The following TBC1D22A variants were observed in gnomAD, a reference collection of about 807,000 sequenced individuals.
TBC1D22A encodes TBC1 domain family member 22A, also known as putative GTPase activator.
In TBC1D22A, 38 loss-of-function variants were observed where a neutral mutation model predicts 60.2. That is an observed-to-expected ratio of 0.63 (90% CI 0.49 to 0.83). The LOEUF (loss-of-function observed/expected upper bound fraction) is 0.83, where lower values mean the gene tolerates loss of function less well. TBC1D22A is among the 40% of genes least tolerant of loss of function. The pLI is 0.00. For missense variants in TBC1D22A, 628 were observed against 701.0 expected, an observed-to-expected ratio of 0.90 and a Z score of 1.18; for synonymous variants, 302 against 281.7, an observed-to-expected ratio of 1.07 and a Z score of -0.72.
At chr22:46,968,789 T>G (rs995886466) in intron 8 of TBC1D22A, among the ~76,000 whole-genome samples, 1 of 152,252 alleles carries the variant, frequency 6.6e-6, no homozygotes, top group Non-Finnish European at 1.5e-5. Context: ...TTCTGCTCTT[T>G]GTTTCCCTAA....
chr22:46,790,818 T>C (rs1037116949), intron 1 of TBC1D22A, among the ~76,000 whole-genome samples: 1 of 152,146 alleles, frequency 6.6e-6, no homozygotes, highest in African/African-American at 2.4e-5. Flanking sequence ...ATGTGTGCTT[T>C]ATGTCCCAAG....
intron 4 of TBC1D22A, among the ~76,000 whole-genome samples, chr22:46,837,710 T>G (rs1245543236): frequency 2.0e-5 from 3 of 152,164 alleles, no homozygotes; most frequent in Non-Finnish European, 4.4e-5. Flanking sequence ...CCAACACTTC[T>G]CAGATACAGC....
intron 4 of TBC1D22A, among the ~76,000 whole-genome samples, chr22:46,798,237 C>T (rs1334110079): frequency 2.6e-5 from 4 of 152,264 alleles, no homozygotes; most frequent in Admixed American, 6.5e-5. Flanking sequence ...GTGAGCCCTT[C>T]GAGGCTGGCC....
chr22:47,071,897 T>G (rs1303350769), intron 11 of TBC1D22A, among the ~76,000 whole-genome samples: 1 of 152,138 alleles, frequency 6.6e-6, no homozygotes, highest in Non-Finnish European at 1.5e-5. Context: ...AAACGTGTGG[T>G]GTGTTTGGCT....
Position 46,948,555 on chromosome 22 carries a change from A to G in TBC1D22A, c.1016-25735A>G, listed in dbSNP as rs2072696749. Among the ~76,000 whole-genome samples the G allele has an allele frequency of 3.3e-5, 5 of 152,200 alleles. No individual in the cohort carries two copies. In the South Asian group the frequency reaches 1.0e-3, roughly 31 times the overall value. On this transcript the variant is annotated intron_variant, in intron 8 of 12. Transcript: ENST00000337137. The stretch of plus-strand genomic sequence containing the variant: ...TCTCACTCCGGGTGTGTATTGGTCG[A>G]TAACCCTTTGAGTCTCTGGAGTTGG...
At chr22:46,904,142 T>TCTATCTGCCTGC (rs57116517) in intron 7 of TBC1D22A, among the ~76,000 whole-genome samples, 1 of 134,500 alleles carries the variant, frequency 7.4e-6, no homozygotes, top group Non-Finnish European at 1.6e-5. Context: ...TATCTATCTA[T>TCTATCTGCCTGC]CTACCTACCT....
chr22:47,124,927 G>A (rs1310354665), intron 12 of TBC1D22A, among the ~76,000 whole-genome samples: 2 of 152,138 alleles, frequency 1.3e-5, no homozygotes, highest in African/African-American at 2.4e-5. Flanking sequence ...TGCAGAGATT[G>A]GGCCAGGCGG....
At chr22:46,944,682 G>A (rs1215215280) in intron 8 of TBC1D22A, among the ~76,000 whole-genome samples, 1 of 152,212 alleles carries the variant, frequency 6.6e-6, no homozygotes, top group South Asian at 2.1e-4. Context: ...ATAGGCGTGA[G>A]CCACCGTGCC....
At chr22:47,077,902 G>A (rs8141788) in intron 11 of TBC1D22A, among the ~76,000 whole-genome samples, 67,978 of 152,104 alleles carry the variant, frequency 0.45, 15,621 homozygotes, top group East Asian at 0.59. Context: ...CACAGAACTT[G>A]GCCCACAGTC....
At chr22:46,836,046 C>T (rs537872748) in intron 4 of TBC1D22A, among the ~76,000 whole-genome samples, 103 of 152,210 alleles carry the variant, frequency 6.8e-4, no homozygotes, top group African/African-American at 2.4e-3. Context: ...TTCATTACTG[C>T]TAGACCTGCT....
At chr22:47,139,695 G>A (rs890599488) in intron 12 of TBC1D22A, among the ~76,000 whole-genome samples, 8 of 152,226 alleles carry the variant, frequency 5.3e-5, no homozygotes, top group African/African-American at 1.9e-4. Flanking sequence ...GAGGCGCGGT[G>A]TCCTGGCCGG....
chr22:46,944,451 T>C (rs1054030216), intron 8 of TBC1D22A, among the ~76,000 whole-genome samples: 1 of 152,192 alleles, frequency 6.6e-6, no homozygotes, highest in Non-Finnish European at 1.5e-5. Flanking sequence ...CAGGCTGGAG[T>C]GCAGTGGCGC....
At chr22:47,059,767 A>G (rs796588454) in intron 11 of TBC1D22A, among the ~76,000 whole-genome samples, 16 of 152,282 alleles carry the variant, frequency 1.1e-4, no homozygotes, top group African/African-American at 3.6e-4. Context: ...GAGCCAGCAC[A>G]TGTTTCTGGC....
chr22:47,046,354 G>A (rs1390756543), intron 11 of TBC1D22A, among the ~76,000 whole-genome samples: 1 of 152,160 alleles, frequency 6.6e-6, no homozygotes, highest in African/African-American at 2.4e-5. Flanking sequence ...CTTCCCTAGA[G>A]GAGAGCCACG....
intron 1 of TBC1D22A, among the ~76,000 whole-genome samples, chr22:46,785,292 G>A (rs1387103399): frequency 6.6e-6 from 1 of 152,204 alleles, no homozygotes; most frequent in African/African-American, 2.4e-5. Flanking sequence ...TAGTGCTGTG[G>A]GTTGTAATGT....
intron 12 of TBC1D22A, among the ~76,000 whole-genome samples, chr22:47,162,443 C>T (rs1011573667): frequency 1.3e-5 from 2 of 152,184 alleles, no homozygotes; most frequent in Admixed American, 6.5e-5. Context: ...CTCACTTCTC[C>T]AGTACCCTTG....
At chr22:46,875,119 G>A (rs547284343) in intron 4 of TBC1D22A, among the ~76,000 whole-genome samples, 9 of 152,228 alleles carry the variant, frequency 5.9e-5, no homozygotes, top group East Asian at 5.8e-4. Context: ...AGCGTTCATC[G>A]CAGCCTATTT....
intron 4 of TBC1D22A, among the ~76,000 whole-genome samples, chr22:46,848,337 A>G (rs2087114539): frequency 6.6e-6 from 1 of 152,212 alleles, no homozygotes; most frequent in African/African-American, 2.4e-5. Flanking sequence ...GAGAACAGGG[A>G]AGGAGTGCTT....
chr22:46,895,641 G>A (rs2068633674), intron 7 of TBC1D22A, among the ~76,000 whole-genome samples: 1 of 152,164 alleles, frequency 6.6e-6, no homozygotes, highest in African/African-American at 2.4e-5. Context: ...CAAAATGCTG[G>A]GATTACAGGT....
Sources: allele counts gnomAD v4.1 joint callset (sites outside exome capture counted in the v4.1 genomes callset), GRCh38; gene constraint gnomAD v4.1.1; transcripts MANE v1.5; gene names NCBI Gene and HGNC (gene_info 2026-07-23, HGNC 2026-07-21).